TFDP1: variants seen among roughly 807,000 people sequenced by gnomAD.
TFDP1 encodes DRTF1-polypeptide 1.
TFDP1 carries 6 observed loss-of-function variants against 48.0 expected under a neutral mutation model. That is an observed-to-expected ratio of 0.13 (90% CI 0.07 to 0.25). The LOEUF (loss-of-function observed/expected upper bound fraction) is 0.25, where lower values mean the gene tolerates loss of function less well. TFDP1 is among the 10% of genes least tolerant of loss of function. The pLI is 1.00. For missense variants in TFDP1, 335 were observed against 543.0 expected, an observed-to-expected ratio of 0.62 and a Z score of 3.81; for synonymous variants, 201 against 211.6, an observed-to-expected ratio of 0.95 and a Z score of 0.44.
At position 113,638,308 on chromosome 13, in the gene TFDP1, G is replaced by A. The variant is rs570750341; in HGVS notation, c.1085+412G>A. ...TCTGGGCGCAAGTAGTTTTCAGAAC[G>A]TGTCTGCGATCACAGCACACATTTT... is the stretch of plus-strand genomic sequence containing the variant. On this transcript the variant is annotated intron_variant, in intron 11 of 11. Transcript: ENST00000375370. 2.8e-4 allele frequency among the ~76,000 whole-genome samples: 43 copies of A among 151,946 alleles called. 1 individual carries two copies. The highest frequency in any genetic ancestry group is 1.5e-3 in the East Asian group (8 of 5,170).
intron 4 of TFDP1, among the ~76,000 whole-genome samples, chr13:113,625,785 TCA>T (rs2049149490): frequency 1.6e-5 from 2 of 127,694 alleles, no homozygotes; most frequent in Non-Finnish European, 3.3e-5. Context: ...TCACGTGTCC[TCA>T]GGCGTCTCTC....
Position 113,631,753 on chromosome 13 carries a change from T to G in TFDP1, c.308+9T>G. On this transcript the variant is annotated intron_variant, in intron 5 of 11. Coordinates refer to ENST00000375370, the MANE Select transcript of TFDP1 (RefSeq NM_007111.5). ...TCACCTTGGTCTGCCGGGTGAGCAC[T>G]TCCCTCTGGACCCTTAGAGTTGTAG... 6.2e-7 allele frequency: 1 copy of G among 1,613,840 alleles called. No individual in the cohort carries two copies. Among genetic ancestry groups the G allele is most frequent in the South Asian group, 1.1e-5 (1 of 91,058 alleles).
chr13:113,631,913 G>T, intron 5 of TFDP1, 169 bp downstream of exon 5: 1 of 938,012 alleles, frequency 1.1e-6, no homozygotes, highest in Non-Finnish European at 1.5e-6. Flanking sequence ...CAGGTGTGCA[G>T]CCGAGGCGCA....
intron 3 of TFDP1, among the ~76,000 whole-genome samples, chr13:113,611,433 A>C (rs755554177): frequency 4.6e-5 from 7 of 152,256 alleles, no homozygotes; most frequent in Non-Finnish European, 1.5e-5. Context: ...GTTTGAGGAA[A>C]GATGGGCCTA....
Position 113,585,925 on chromosome 13 carries a change from C to T in TFDP1, c.12+76C>T, listed in dbSNP as rs2047992379. 4 of 1,505,214 alleles carry T rather than the reference C, an allele frequency of 2.7e-6. No homozygotes were observed. In the South Asian group the frequency reaches 3.5e-5, roughly 13 times the overall value. The allele number at this position is 1,505,214 out of a possible 1,614,324, so 93.2% of individuals were successfully genotyped here. ...TCTTTGTAGTTCTCTGCCTTTATTT[C>T]AGAATGACAACACATAAGCTACAGT... On this transcript the variant is annotated intron_variant, in intron 2 of 11. Transcript: ENST00000375370.
At chr13:113,626,744 T>C (rs1412338108) in intron 4 of TFDP1, among the ~76,000 whole-genome samples, 1 of 152,246 alleles carries the variant, frequency 6.6e-6, no homozygotes, top group East Asian at 1.9e-4. Flanking sequence ...TTTCAGTAAA[T>C]GCCATTTTGA....
At chr13:113,630,427 C>T (rs1248703425) in intron 4 of TFDP1, among the ~76,000 whole-genome samples, 6 of 152,066 alleles carry the variant, frequency 3.9e-5, no homozygotes, top group African/African-American at 2.4e-5. Context: ...TGGAAAGTGT[C>T]CCCGTCAGCT....
chr13:113,639,306 G>T (rs2049582378), intron 11 of TFDP1, among the ~76,000 whole-genome samples: 1 of 152,142 alleles, frequency 6.6e-6, no homozygotes, highest in African/African-American at 2.4e-5. Context: ...CTTCAGACTT[G>T]TCAGTTTTTC....
At chr13:113,630,053 A>G (rs1385366561) in intron 4 of TFDP1, among the ~76,000 whole-genome samples, 3 of 152,158 alleles carry the variant, frequency 2.0e-5, no homozygotes, top group Non-Finnish European at 4.4e-5. Context: ...TGCTGAACTC[A>G]ACGTAGGAAG....
At chr13:113,637,591 T>A in intron 10 of TFDP1, 2 of 1,521,094 alleles carry the variant, frequency 1.3e-6, no homozygotes, top group Non-Finnish European at 1.8e-6. Context: ...GTGCAGGTAT[T>A]TATTGCAAGG....
At chr13:113,617,871 A>G (rs948503480) in intron 3 of TFDP1, among the ~76,000 whole-genome samples, 1 of 152,248 alleles carries the variant, frequency 6.6e-6, no homozygotes, top group Non-Finnish European at 1.5e-5. Flanking sequence ...ATATTAATAG[A>G]ATAGGATTAG....
Position 113,599,278 on chromosome 13 carries a change from C to A in TFDP1, c.13-11718C>A, listed in dbSNP as rs2048354717. Among the ~76,000 whole-genome samples the A allele has an allele frequency of 3.3e-5, 5 of 152,102 alleles. No individual in the cohort carries two copies. The South Asian group carries it at 1.0e-3, about 32-fold the overall frequency. ...GATTGTGCTGGTGCCTCGTCCCTGT[C>A]ACGGACCTGGGTGACTCCCTGCCGG... On this transcript the variant is annotated intron_variant, in intron 2 of 11. Coordinates refer to ENST00000375370, the MANE Select transcript of TFDP1 (RefSeq NM_007111.5).
intron 2 of TFDP1, among the ~76,000 whole-genome samples, chr13:113,590,766 T>C (rs1267568006): frequency 6.6e-6 from 1 of 151,740 alleles, no homozygotes; most frequent in Admixed American, 6.6e-5. Context: ...ATCCCAGCAC[T>C]TTGGGAGGCC....
At chr13:113,631,987 G>T in intron 5 of TFDP1, 1 of 510,078 alleles carries the variant, frequency 2.0e-6, no homozygotes, top group Non-Finnish European at 3.4e-6. Context: ...TGGTGTAGTG[G>T]GTGCTCTCTG....
intron 4 of TFDP1, among the ~76,000 whole-genome samples, chr13:113,628,589 G>C (rs774454099): frequency 6.6e-6 from 1 of 152,226 alleles, no homozygotes; most frequent in Non-Finnish European, 1.5e-5. Context: ...GCCCTGGTTG[G>C]AGTGGGACCC....
At chr13:113,617,077 G>A (rs564905185) in intron 3 of TFDP1, among the ~76,000 whole-genome samples, 5 of 152,286 alleles carry the variant, frequency 3.3e-5, no homozygotes, top group South Asian at 4.1e-4. Context: ...GACTTGAGCC[G>A]TGCTGTGAAC....
At chr13:113,631,789 G>A (rs374184001) in intron 5 of TFDP1, 45 bp downstream of exon 5, 77 of 1,605,092 alleles carry the variant, frequency 4.8e-5, no homozygotes, top group South Asian at 1.6e-4. Flanking sequence ...GACTGCTTGC[G>A]GTTCGCACCT....
intron 4 of TFDP1, among the ~76,000 whole-genome samples, chr13:113,631,407 TGAC>T (rs1426137778): frequency 6.6e-6 from 1 of 152,154 alleles, no homozygotes; most frequent in Non-Finnish European, 1.5e-5. Context: ...TGCCTGTGAC[TGAC>T]AAGAGGAAGA....
At position 113,623,783 on chromosome 13, in the gene TFDP1, G is replaced by A. The variant is rs1010434680; in HGVS notation, c.186+497G>A. ...TCCCTTGGCCACGCACAGGAGAGGG[G>A]AAGGTGGGCATTGGGAAGTGGCGCA... is the stretch of plus-strand genomic sequence containing the variant. On this transcript the variant is annotated intron_variant, in intron 4 of 11. Coordinates refer to ENST00000375370, the MANE Select transcript of TFDP1 (RefSeq NM_007111.5). This position sits in a 1 kb window ranked among gnomAD's most constrained non-coding sequence, Gnocchi z 5.2. Among the ~76,000 whole-genome samples, 5 of 152,194 alleles carry A rather than the reference G, an allele frequency of 3.3e-5. No homozygotes were observed. Among genetic ancestry groups the A allele is most frequent in the Admixed American group, 6.5e-5 (1 of 15,286 alleles).
Sources: allele counts gnomAD v4.1 joint callset (sites outside exome capture counted in the v4.1 genomes callset), GRCh38; gene constraint gnomAD v4.1.1; non-coding constraint Gnocchi (gnomAD v3.1); transcripts MANE v1.5; gene names NCBI Gene and HGNC (gene_info 2026-07-23, HGNC 2026-07-21).